LMF1: variants seen among roughly 807,000 people sequenced by gnomAD.
The protein encoded by LMF1 is transmembrane protein 112.
LMF1 carries 68 observed loss-of-function variants against 60.6 expected under a neutral mutation model. That is an observed-to-expected ratio of 1.12 (90% CI 0.92 to 1.37). The LOEUF (loss-of-function observed/expected upper bound fraction) is 1.37. Among genes scored for constraint, LMF1 ranks in the 40% most tolerant of loss-of-function variants. The probability of loss-of-function intolerance (pLI) is 0.00; values close to 1 mark genes in which losing one functional copy is unlikely to be tolerated. For missense variants in LMF1, 948 were observed against 767.2 expected (o/e 1.24, Z -2.78); for synonymous variants, 418 against 324.7 (o/e 1.29, Z -3.09).
chr16:923,092 C>A (rs960836427), intron 3 of LMF1, among the ~76,000 whole-genome samples: 1 of 141,886 alleles, frequency 7.0e-6, no homozygotes, highest in Non-Finnish European at 1.6e-5. Context: ...GTTGCGAAGG[C>A]CCTGTGTGAA....
rs1039174708 is a variant in LMF1 at position 878,378 on chromosome 16, G to A, written c.897+1192C>T. 6.6e-6 allele frequency among the ~76,000 whole-genome samples: 1 copy of A among 152,152 alleles called. No homozygotes were observed. The highest frequency in any genetic ancestry group is 1.5e-5 in the Non-Finnish European group (1 of 68,034). On this transcript the variant is annotated intron_variant, in intron 6 of 10. Transcript: ENST00000262301. The surrounding 1 kb of genome is among the most constrained non-coding windows in gnomAD (Gnocchi z 5.2). ...GAGTCAGGAGCTGCTCAGGGCCCCG[G>A]CGGCCAGAGTGAGGGTCCTTGCTGG...
At chr16:957,597 A>G (rs958789283) in intron 1 of LMF1, among the ~76,000 whole-genome samples, 10 of 151,452 alleles carry the variant, frequency 6.6e-5, no homozygotes, top group African/African-American at 2.4e-4. Context: ...TAGAATATAC[A>G]TGGGAGAGCA....
chr16:927,194 C>G (rs754251839), intron 3 of LMF1, among the ~76,000 whole-genome samples: 1 of 152,216 alleles, frequency 6.6e-6, no homozygotes, highest in African/African-American at 2.4e-5. Flanking sequence ...GGAAATGGCC[C>G]GTGGAGATGG....
intron 1 of LMF1, chr16:976,798 G>C (rs1401451437): frequency 4.4e-6 from 2 of 454,044 alleles, no homozygotes; most frequent in South Asian, 1.6e-5. Context: ...GGAGAGAGCA[G>C]TGCTGGTCTC....
intron 10 of LMF1, chr16:855,314 G>A: frequency 3.7e-6 from 1 of 269,442 alleles, no homozygotes; most frequent in South Asian, 4.0e-5. Flanking sequence ...ATGCCCGAGT[G>A]GGATGAAGGC....
upstream of LMF1, among the ~76,000 whole-genome samples, chr16:974,788 C>G (rs1440839680): frequency 6.6e-6 from 1 of 152,262 alleles, no homozygotes; most frequent in Non-Finnish European, 1.5e-5. Context: ...CAGCTCCCGC[C>G]TCCTCGGGGC....
At chr16:909,749 C>T (rs775838341) in intron 4 of LMF1, among the ~76,000 whole-genome samples, 4 of 152,218 alleles carry the variant, frequency 2.6e-5, no homozygotes, top group Admixed American at 6.5e-5. Context: ...TGGGAGGAGC[C>T]GCCCAGCACT....
At chr16:876,746 G>C (rs1001795795) in intron 6 of LMF1, among the ~76,000 whole-genome samples, 1 of 151,760 alleles carries the variant, frequency 6.6e-6, no homozygotes, top group African/African-American at 2.4e-5. Context: ...AGGACCTCGG[G>C]GGGTCATGGT....
intron 1 of LMF1, among the ~76,000 whole-genome samples, chr16:960,435 C>T (rs1190952460): frequency 2.6e-3 from 235 of 89,600 alleles, no homozygotes; most frequent in Non-Finnish European, 1.4e-3. Flanking sequence ...GGATCACGAC[C>T]CAGACACAGA....
rs77391379 is a variant in LMF1, at chr16:877,527, T to C, written c.897+2043A>G. On this transcript the variant is annotated intron_variant, in intron 6 of 10. Transcript: ENST00000262301. Reference sequence around the variant, plus strand: ...TCAGCATCCACAGCATTAATGTAACTCGCCACGTTACAGACGAAACAACAA... The same window carrying C: ...TCAGCATCCACAGCATTAATGTAACCCGCCACGTTACAGACGAAACAACAA... 5.9e-5 allele frequency among the ~76,000 whole-genome samples: 9 copies of C among 152,190 alleles called. No individual in the cohort carries two copies. The East Asian group carries it at 1.7e-3, about 29-fold the overall frequency.
rs375877835 is a variant in LMF1, at chr16:954,464, G to A, written c.396C>T (p.Leu132=). The change falls in exon 2 of 11, where the codon CTC becomes CTT. Residue 132 remains leucine, a synonymous_variant. Coordinates refer to ENST00000262301, the MANE Select transcript of LMF1 (RefSeq NM_022773.4). Reference sequence around the variant, plus strand: ...GTACGAAAGACGAGATGCCCAGTCCGAGAAGAGCCAGCAAGTCCAGGTTGG... The same window carrying A: ...GTACGAAAGACGAGATGCCCAGTCCAAGAAGAGCCAGCAAGTCCAGGTTGG... ...MNSNLDLLAL[L]GLGISSFVLI... is the part of the protein sequence containing the mutation. The A allele has an allele frequency of 3.6e-5, 58 of 1,612,684 alleles. No individual in the cohort carries two copies. The highest frequency in any genetic ancestry group is 2.0e-4 in the East Asian group (9 of 44,840).
At chr16:951,345 G>A (rs190517506) in intron 2 of LMF1, among the ~76,000 whole-genome samples, 149 of 152,336 alleles carry the variant, frequency 9.8e-4, no homozygotes, top group African/African-American at 3.3e-3. Context: ...CAGAGACAAC[G>A]ACAGAGTCAG....
chr16:959,442 G>C (rs996279357), intron 1 of LMF1, among the ~76,000 whole-genome samples: 1 of 152,174 alleles, frequency 6.6e-6, no homozygotes, highest in South Asian at 2.1e-4. Flanking sequence ...CATGCACGGG[G>C]GACTTGGGGC....
chr16:948,728 TGACAGAGTCAGAGAC>T (rs2072328756), intron 2 of LMF1, among the ~76,000 whole-genome samples: 2 of 66,488 alleles, frequency 3.0e-5, no homozygotes, highest in African/African-American at 8.1e-5. Context: ...AGTCAGCCAA[TGACAGAGTCAGAGAC>T]GACAGAGTCA....
intron 10 of LMF1, among the ~76,000 whole-genome samples, chr16:857,553 CACGGGACGGG>C (rs1346082150): frequency 1.2e-4 from 13 of 111,608 alleles, no homozygotes; most frequent in South Asian, 3.8e-4. Flanking sequence ...TGAGTGGTGT[CACGGGACGGG>C]TGTGAGTGGT....
In LMF1 at chr16:936,120, TGGGA is replaced by T. The variant is rs1169416142; in HGVS notation, c.504-1870_504-1867del. On this transcript the variant is annotated intron_variant, in intron 2 of 10. Transcript: ENST00000262301. ...CACCCCGTTGGCTGAGGAAGGAGGC[TGGGA>T]GGGAGAGAGGGCACCCCGTGGGCTG... Among the ~76,000 whole-genome samples the T allele has an allele frequency of 2.7e-5, 4 of 147,996 alleles. No individual in the cohort carries two copies. In the East Asian group the frequency reaches 8.0e-4, roughly 30 times the overall value.
At chr16:920,815 A>G (rs1337010540) in intron 3 of LMF1, among the ~76,000 whole-genome samples, 1 of 152,250 alleles carries the variant, frequency 6.6e-6, no homozygotes, top group African/African-American at 2.4e-5. Context: ...CAGGAATGAT[A>G]GTCGACTTCC....
chr16:976,595 C>T (rs2073151383), intron 1 of LMF1: 2 of 454,118 alleles, frequency 4.4e-6, no homozygotes, highest in South Asian at 1.6e-5. Context: ...GGACCCTCTG[C>T]CCATTATCAG....
At chr16:968,472 T>C (rs948715454) in intron 1 of LMF1, 2 of 152,210 alleles carry the variant, frequency 1.3e-5, no homozygotes, top group Non-Finnish European at 1.5e-5. Flanking sequence ...CTATGGCAAC[T>C]TGGAAAAACC....
Sources: gnomAD v4.1 joint callset for allele counts (sites outside exome capture counted in the v4.1 genomes callset) on GRCh38, gnomAD v4.1.1 for gene constraint, Gnocchi (gnomAD v3.1) non-coding constraint, MANE v1.5 for transcripts, NCBI Gene and HGNC (gene_info 2026-07-23, HGNC 2026-07-21) for gene names.